NTRK3: variants seen among roughly 807,000 people sequenced by gnomAD.
NTRK3 encodes the protein neurotrophic receptor tyrosine kinase 3.
Under a neutral mutation model 91.7 loss-of-function variants are expected in NTRK3, and 24 were observed. The ratio of observed to expected loss-of-function variants is 0.26; its 90% confidence interval spans 0.19 to 0.37. The LOEUF (loss-of-function observed/expected upper bound fraction) is 0.37, where lower values mean the gene tolerates loss of function less well. Ranked by LOEUF, NTRK3 falls within the 10% of genes least tolerant of loss-of-function variation. The pLI, the probability that NTRK3 is intolerant of heterozygous loss-of-function variation, is 1.00. For missense variants in NTRK3, 880 were observed against 1,068.9 expected, an observed-to-expected ratio of 0.82 and a Z score of 2.46; for synonymous variants, 483 against 404.0, an observed-to-expected ratio of 1.20 and a Z score of -2.34.
intron 7 of NTRK3, 38 bp downstream of exon 7, chr15:88,137,366 T>C (rs750245502): frequency 1.2e-6 from 2 of 1,610,678 alleles, no homozygotes; most frequent in Non-Finnish European, 8.5e-7. Flanking sequence ...GAGGGATGCC[T>C]CCCTGGAGCC....
At chr15:88,071,825 T>C (rs973637247) in intron 13 of NTRK3, among the ~76,000 whole-genome samples, 4 of 152,018 alleles carry the variant, frequency 2.6e-5, no homozygotes, top group African/African-American at 9.7e-5. Flanking sequence ...AGAATTTTTG[T>C]TTTTGTGTTT....
chr15:87,911,149 A>T (rs2067067253), intron 17 of NTRK3, among the ~76,000 whole-genome samples: 1 of 152,202 alleles, frequency 6.6e-6, no homozygotes, highest in Non-Finnish European at 1.5e-5. Context: ...GAGAGACAAG[A>T]GACAGGGCAA....
chr15:87,908,580 G>A (rs2066908059), intron 17 of NTRK3: 1 of 399,470 alleles, frequency 2.5e-6, no homozygotes, highest in South Asian at 1.3e-4. Context: ...GTGAATGAGG[G>A]GAGAGAGTGG....
intron 14 of NTRK3, among the ~76,000 whole-genome samples, chr15:88,026,360 T>G (rs996811304): frequency 2.6e-5 from 4 of 152,122 alleles, no homozygotes; most frequent in Admixed American, 2.6e-4. Flanking sequence ...TAAACATATA[T>G]TGCTAAGTGA....
chr15:87,933,262 G>T (rs1288902573), intron 15 of NTRK3, 78 bp from the exon 16 acceptor site: 8 of 1,394,152 alleles, frequency 5.7e-6, no homozygotes, highest in Admixed American at 1.8e-5. Flanking sequence ...AAAGAAACTG[G>T]CCCCACACAC....
At position 88,245,975 on chromosome 15, in the gene NTRK3, A is replaced by G. The variant is rs1224541232; in HGVS notation, c.248+9931T>C. Among the ~76,000 whole-genome samples the G allele has an allele frequency of 2.0e-5, 3 of 152,244 alleles. No homozygotes were observed. The East Asian group carries it at 5.8e-4, about 29-fold the overall frequency. ...ATTTGAAAAGCTATCAGAAATAAGGAAGTGGGGAAAGATGGACCACAACAG... is the reference window on the plus strand; with the variant it reads ...ATTTGAAAAGCTATCAGAAATAAGGGAGTGGGGAAAGATGGACCACAACAG... On this transcript the variant is annotated intron_variant, in intron 3 of 18. Coordinates refer to ENST00000394480, the Ensembl canonical transcript of NTRK3.
chr15:88,076,757 G>C (rs188392921), intron 13 of NTRK3, among the ~76,000 whole-genome samples: 274 of 152,066 alleles, frequency 1.8e-3, no homozygotes, highest in African/African-American at 6.2e-3. Context: ...AAGCACAAAG[G>C]GGGCCTAACA....
chr15:87,910,289 T>C (rs973941645), intron 17 of NTRK3, among the ~76,000 whole-genome samples: 3 of 152,206 alleles, frequency 2.0e-5, no homozygotes, highest in Non-Finnish European at 2.9e-5. Context: ...TGACCAGGCA[T>C]GGACCCGGGC....
intron 17 of NTRK3, chr15:87,908,446 C>T (rs1270840204): frequency 7.5e-6 from 3 of 399,750 alleles, no homozygotes; most frequent in Non-Finnish European, 1.3e-5. Flanking sequence ...GTGTGGACTG[C>T]CCTGCCCAGC....
chr15:88,065,256 G>C (rs1231610688), intron 13 of NTRK3, among the ~76,000 whole-genome samples: 1 of 152,128 alleles, frequency 6.6e-6, no homozygotes, highest in Non-Finnish European at 1.5e-5. Flanking sequence ...CCCACCACCA[G>C]GAGCATCCAA....
intron 14 of NTRK3, among the ~76,000 whole-genome samples, chr15:88,028,801 A>T (rs1323864588): frequency 1.3e-5 from 2 of 151,956 alleles, no homozygotes; most frequent in Non-Finnish European, 2.9e-5. Flanking sequence ...TGTGGGGAGA[A>T]AAGGATGAAC....
intron 14 of NTRK3, among the ~76,000 whole-genome samples, chr15:87,947,029 C>T (rs868238357): frequency 6.6e-6 from 1 of 151,936 alleles, no homozygotes; most frequent in Non-Finnish European, 1.5e-5. Context: ...CAGGTGCGTG[C>T]CACCACACCT....
At chr15:88,248,245 G>A (rs1367205478) in intron 3 of NTRK3, among the ~76,000 whole-genome samples, 1 of 152,166 alleles carries the variant, frequency 6.6e-6, no homozygotes, top group Non-Finnish European at 1.5e-5. Context: ...GGAAGAGGGT[G>A]TGGCTGAGAC....
At chr15:88,197,094 CAAAAAAAAAAAAAAAAAAAAA>C (rs59553739) in intron 3 of NTRK3, among the ~76,000 whole-genome samples, 652 of 56,654 alleles carry the variant, frequency 0.012, 20 homozygotes, top group African/African-American at 0.029. Flanking sequence ...TTGAGCAGGA[CAAAAAAAAAAAAAAAAAAAAA>C]AAAAAAAAAA....
intron 13 of NTRK3, among the ~76,000 whole-genome samples, chr15:88,102,177 T>C (rs986941161): frequency 2.6e-5 from 4 of 152,090 alleles, no homozygotes; most frequent in Non-Finnish European, 5.9e-5. Flanking sequence ...GCATTATAGA[T>C]GGTACAGGAA....
At chr15:87,911,770 C>T (rs1415620899) in intron 17 of NTRK3, among the ~76,000 whole-genome samples, 1 of 152,160 alleles carries the variant, frequency 6.6e-6, no homozygotes, top group African/African-American at 2.4e-5. Context: ...GAGAAGAACA[C>T]CTGTCTCCTG....
chr15:88,131,027 A>C (rs540947615), intron 10 of NTRK3, among the ~76,000 whole-genome samples: 1 of 152,344 alleles, frequency 6.6e-6, no homozygotes, highest in East Asian at 1.9e-4. Context: ...ATTCCAAACT[A>C]TTTCAAAATG....
chr15:88,144,390 A>T (rs529181441), intron 6 of NTRK3, among the ~76,000 whole-genome samples: 23 of 152,230 alleles, frequency 1.5e-4, no homozygotes, highest in African/African-American at 5.3e-4. Context: ...CACAAAAATA[A>T]ATGAGAGAAA....
At chr15:87,940,359 C>T (rs1004995711) in intron 15 of NTRK3, among the ~76,000 whole-genome samples, 20 of 152,146 alleles carry the variant, frequency 1.3e-4, no homozygotes, top group African/African-American at 4.8e-4. Flanking sequence ...ACCACAGGGC[C>T]ACTAAAAAAG....
Sources: allele counts gnomAD v4.1 joint callset (sites outside exome capture counted in the v4.1 genomes callset), GRCh38; gene constraint gnomAD v4.1.1; transcripts MANE v1.5; gene names NCBI Gene and HGNC (gene_info 2026-07-23, HGNC 2026-07-21).